The following TTC39B variants were observed in gnomAD, a reference collection of about 807,000 sequenced individuals.
TTC39B encodes the protein tetratricopeptide repeat protein 39B.
In TTC39B, 92 loss-of-function variants were observed where a neutral mutation model predicts 96.6. That is an observed-to-expected ratio of 0.95 (90% confidence interval 0.80 to 1.13). The LOEUF (loss-of-function observed/expected upper bound fraction) is 1.13, where lower values mean the gene tolerates loss of function less well. Among genes scored for constraint, TTC39B ranks in the 50% most tolerant of loss-of-function variants. The pLI, the probability that TTC39B is intolerant of heterozygous loss-of-function variation, is 0.00. For missense variants in TTC39B, 955 were observed against 809.3 expected, an observed-to-expected ratio of 1.18 and a Z score of -2.18; for synonymous variants, 367 against 299.4, an observed-to-expected ratio of 1.23 and a Z score of -2.33.
At chr9:15,214,089 A>G in intron 4 of TTC39B, 50 bp downstream of exon 4, 1 of 1,380,840 alleles carries the variant, frequency 7.2e-7, no homozygotes, top group Non-Finnish European at 1.0e-6. Flanking sequence ...TCAAAGAATC[A>G]TCAGAAACAT....
chr9:15,245,710 A>T (rs1822243162), intron 2 of TTC39B, among the ~76,000 whole-genome samples: 1 of 152,206 alleles, frequency 6.6e-6, no homozygotes, highest in Non-Finnish European at 1.5e-5. Flanking sequence ...AGCCACCTAT[A>T]ATAACTCAAA....
chr9:15,209,127 A>G (rs1820041714), intron 6 of TTC39B, among the ~76,000 whole-genome samples: 1 of 152,212 alleles, frequency 6.6e-6, no homozygotes, highest in Non-Finnish European at 1.5e-5. Context: ...CTGGGATGGC[A>G]AAAGCTTTAT....
At chr9:15,166,982 T>TTTTTA (rs1387664027) in exon 20 of TTC39B, 2 of 20,276 alleles carry the variant, frequency 9.9e-5, no homozygotes, top group South Asian at 2.9e-3. Context: ...AACCTTTATT[T>TTTTTA]TATATATATA....
chr9:15,269,051 T>C (rs962292984), intron 1 of TTC39B, among the ~76,000 whole-genome samples: 3 of 152,204 alleles, frequency 2.0e-5, no homozygotes, highest in Non-Finnish European at 4.4e-5. Flanking sequence ...CTCTCTGCAC[T>C]GTCCCCTTTC....
intron 3 of TTC39B, among the ~76,000 whole-genome samples, chr9:15,215,483 G>A (rs1820462460): frequency 6.6e-6 from 1 of 152,040 alleles, no homozygotes; most frequent in East Asian, 1.9e-4. Flanking sequence ...CTTGAACCCA[G>A]GAGGTGGAGG....
intron 2 of TTC39B, among the ~76,000 whole-genome samples, chr9:15,232,010 T>G (rs1279278830): frequency 6.6e-6 from 1 of 151,990 alleles, no homozygotes. Context: ...GGCTGGAGCT[T>G]GAGCTCGTCA....
At chr9:15,191,299 T>C in intron 9 of TTC39B, 44 bp from the exon 10 acceptor site, 2 of 1,370,472 alleles carry the variant, frequency 1.5e-6, no homozygotes. Context: ...TTAGTGTTTC[T>C]AACTGCAAAC....
rs76660625 is a variant in TTC39B, at chr9:15,175,377, A to T, written c.1842-242T>A. On this transcript the variant is annotated intron_variant, in intron 18 of 19. Transcript: ENST00000512701. ...ACTGATGGTTGATCGCTGTCTCTTA[A>T]GTAAATCAGCGCATACGGATCTTTA... Among the ~76,000 whole-genome samples, 76 of 152,316 alleles carry T rather than the reference A, an allele frequency of 5.0e-4. No homozygotes were observed. In the East Asian group the frequency reaches 0.012, roughly 25 times the overall value.
Position 15,260,278 on chromosome 9 carries a change from T to G in TTC39B, c.275+7636A>C, listed in dbSNP as rs1296031850. Among the ~76,000 whole-genome samples the G allele has an allele frequency of 5.5e-5, 4 of 72,530 alleles. 1 individual carries two copies. Among genetic ancestry groups the G allele is most frequent in the East Asian group, 5.1e-4 (2 of 3,940 alleles). The allele number at this position is 72,530 out of a possible 152,430, so 47.6% of individuals were successfully genotyped here. A position where few individuals can be genotyped will look rare whatever the true frequency, so the allele number is the denominator to read the frequency against. On this transcript the variant is annotated intron_variant, in intron 2 of 19. Transcript: ENST00000512701. ...GTCTCCTACAAAATTCCTCATTGTGTTTTTTTTTTTTTCCTTCCTTAGGAA... is the reference window on the plus strand; with the variant it reads ...GTCTCCTACAAAATTCCTCATTGTGGTTTTTTTTTTTTCCTTCCTTAGGAA...
intron 2 of TTC39B, among the ~76,000 whole-genome samples, chr9:15,252,123 A>C (rs1263480929): frequency 6.6e-6 from 1 of 152,186 alleles, no homozygotes; most frequent in African/African-American, 2.4e-5. Flanking sequence ...TCAAGGAAGG[A>C]AAAGAGAACT....
chr9:15,229,581 C>T (rs1821312681), intron 2 of TTC39B, among the ~76,000 whole-genome samples: 1 of 152,178 alleles, frequency 6.6e-6, no homozygotes, highest in Non-Finnish European at 1.5e-5. Context: ...TCTCCAAATG[C>T]TGTTACCAGG....
At chr9:15,175,158 A>G in intron 18 of TTC39B, 23 bp from the exon 19 acceptor site, 1 of 1,495,614 alleles carries the variant, frequency 6.7e-7, no homozygotes, top group Non-Finnish European at 9.3e-7. Context: ...AGGAAAATCA[A>G]GTAAATCTTA....
intron 17 of TTC39B, among the ~76,000 whole-genome samples, chr9:15,178,613 T>G (rs545812547): frequency 1.3e-4 from 20 of 152,206 alleles, no homozygotes; most frequent in Non-Finnish European, 1.8e-4. Flanking sequence ...ATTTACTATA[T>G]CAGAACATCA....
chr9:15,274,437 A>G (rs1823464854), intron 1 of TTC39B, among the ~76,000 whole-genome samples: 2 of 152,180 alleles, frequency 1.3e-5, no homozygotes, highest in South Asian at 4.1e-4. Context: ...AAAGAGCATC[A>G]ATGTTCTTTG....
chr9:15,230,978 C>G (rs1452357737), intron 2 of TTC39B, among the ~76,000 whole-genome samples: 2 of 129,408 alleles, frequency 1.5e-5, no homozygotes, highest in Non-Finnish European at 3.3e-5. Flanking sequence ...GAGTGAGACT[C>G]CATCTCAGAA....
At chr9:15,177,704 C>T in exon 18 of TTC39B, 2 of 1,607,906 alleles carry the variant, frequency 1.2e-6, no homozygotes, top group Non-Finnish European at 1.7e-6. Context: ...TACCTTTCCA[C>T]AACATGATTG....
rs1266995774 is a variant in TTC39B, at chr9:15,307,077, A to C, written c.240+7T>G. On this transcript the variant is annotated splice_region_variant and intron_variant, in intron 1 of 19. Coordinates refer to ENST00000512701, the Ensembl canonical transcript of TTC39B. ...GGGCCGGGCCCGCAATCCCCATCGG[A>C]TCGTACCTCGTCCGCTTCCAGCTCC... is the stretch of plus-strand genomic sequence containing the variant. 1 of 1,609,404 alleles carries C rather than the reference A, an allele frequency of 6.2e-7. No homozygotes were observed. The highest frequency in any genetic ancestry group is 1.3e-5 in the African/African-American group (1 of 74,832).
intron 2 of TTC39B, among the ~76,000 whole-genome samples, chr9:15,242,668 G>C (rs1038866427): frequency 6.6e-5 from 10 of 152,070 alleles, no homozygotes; most frequent in African/African-American, 2.4e-4. Context: ...GAAAGATTTT[G>C]GTTCATCCTT....
intron 2 of TTC39B, among the ~76,000 whole-genome samples, chr9:15,264,559 G>A (rs945467312): frequency 1.3e-5 from 2 of 151,246 alleles, no homozygotes; most frequent in Admixed American, 1.3e-4. Context: ...GAAGGCTGAG[G>A]CAGGAGAATT....
Sources: allele counts gnomAD v4.1 joint callset (sites outside exome capture counted in the v4.1 genomes callset), GRCh38; gene constraint gnomAD v4.1.1; transcripts MANE v1.5; gene names NCBI Gene and HGNC (gene_info 2026-07-23, HGNC 2026-07-21).